SLCO3A1: variants seen among roughly 807,000 people sequenced by gnomAD.
SLCO3A1 encodes PGE1 transporter.
A neutral mutation model predicts 63.1 loss-of-function variants in SLCO3A1; 27 were observed. The observed-to-expected ratio is 0.43, with a 90% CI of 0.32 to 0.59. SLCO3A1 has a LOEUF of 0.59. Ranked by LOEUF, SLCO3A1 falls within the 20% of genes least tolerant of loss-of-function variation. The pLI is 0.09. For missense variants in SLCO3A1, 773 were observed against 945.8 expected (o/e 0.82, Z 2.40); for synonymous variants, 473 against 409.9 (o/e 1.15, Z -1.86).
rs141486639 is a variant in SLCO3A1 at position 91,876,946 on chromosome 15, T to C, written c.180+22858T>C. ...TACAGATATTTGACTTTTGCCGATATGTTTGGGGTTCTGCTGTTTGACCCA... is the reference window on the plus strand; with the variant it reads ...TACAGATATTTGACTTTTGCCGATACGTTTGGGGTTCTGCTGTTTGACCCA... On this transcript the variant is annotated intron_variant, in intron 1 of 9. Coordinates refer to ENST00000318445, the MANE Select transcript of SLCO3A1 (RefSeq NM_013272.4). Among the ~76,000 whole-genome samples, 697 of 152,372 alleles carry C rather than the reference T, an allele frequency of 4.6e-3. 10 individuals carry two copies. The highest frequency in any genetic ancestry group is 0.016 in the African/African-American group (660 of 41,590).
At chr15:92,001,411 C>A (rs1007332345) in intron 2 of SLCO3A1, among the ~76,000 whole-genome samples, 6 of 152,160 alleles carry the variant, frequency 3.9e-5, no homozygotes, top group African/African-American at 1.4e-4. Flanking sequence ...CCATTAGGAA[C>A]CTTCTGGCTT....
intron 7 of SLCO3A1, among the ~76,000 whole-genome samples, chr15:92,142,361 T>C (rs554609878): frequency 6.6e-6 from 1 of 152,352 alleles, no homozygotes; most frequent in African/African-American, 2.4e-5. Flanking sequence ...ATTAAACTGC[T>C]GATGGATCTG....
At chr15:91,964,441 T>C (rs1405635849) in intron 2 of SLCO3A1, among the ~76,000 whole-genome samples, 1 of 152,156 alleles carries the variant, frequency 6.6e-6, no homozygotes, top group Non-Finnish European at 1.5e-5. Flanking sequence ...GCTTTTTTTT[T>C]TTATGCTCAG....
rs1281429747 is a variant in SLCO3A1, at chr15:92,109,320, C to T, written c.1009+4778C>T. Among the ~76,000 whole-genome samples the T allele has an allele frequency of 2.0e-5, 3 of 152,292 alleles. No individual in the cohort carries two copies. In the East Asian group the frequency reaches 5.8e-4, roughly 29 times the overall value. On this transcript the variant is annotated intron_variant, in intron 4 of 9. Coordinates refer to ENST00000318445, the MANE Select transcript of SLCO3A1 (RefSeq NM_013272.4). ...ACTTCTGACAGTAAACGGACACTCTCTTAAAGAATAAGTGGCGTCAGCAGG... is the reference window on the plus strand; with the variant it reads ...ACTTCTGACAGTAAACGGACACTCTTTTAAAGAATAAGTGGCGTCAGCAGG...
At chr15:91,878,051 A>G (rs1897445852) in intron 1 of SLCO3A1, among the ~76,000 whole-genome samples, 1 of 149,424 alleles carries the variant, frequency 6.7e-6, no homozygotes, top group Admixed American at 6.7e-5. Context: ...AAATGAAACC[A>G]TCATCAGGTG....
chr15:92,151,092 C>G, intron 9 of SLCO3A1, 78 bp downstream of exon 9: 1 of 980,328 alleles, frequency 1.0e-6, no homozygotes, highest in Non-Finnish European at 1.6e-6. Flanking sequence ...TCAAATTATC[C>G]CATTTCCTAG....
At chr15:92,096,000 C>T (rs1413852993) in intron 3 of SLCO3A1, among the ~76,000 whole-genome samples, 2 of 152,200 alleles carry the variant, frequency 1.3e-5, no homozygotes, top group South Asian at 2.1e-4. Flanking sequence ...AACCTAATGA[C>T]CTAAAACAGC....
intron 4 of SLCO3A1, 110 bp downstream of exon 4, chr15:92,104,652 C>A: frequency 8.7e-7 from 1 of 1,148,036 alleles, no homozygotes; most frequent in Non-Finnish European, 1.2e-6. Context: ...TTGGTGGAGG[C>A]AGAATAATAT....
At chr15:91,881,036 G>A (rs1014813520) in intron 1 of SLCO3A1, among the ~76,000 whole-genome samples, 5 of 152,188 alleles carry the variant, frequency 3.3e-5, no homozygotes, top group Non-Finnish European at 7.3e-5. Context: ...GATGGGGCTT[G>A]GGTGGAGGCT....
intron 4 of SLCO3A1, among the ~76,000 whole-genome samples, chr15:92,113,972 A>G (rs781381192): frequency 4.2e-4 from 64 of 152,210 alleles, no homozygotes; most frequent in Non-Finnish European, 7.1e-4. Context: ...GAAGGGGTCC[A>G]AGCATCTGTA....
chr15:91,888,359 C>G (rs923964381), intron 1 of SLCO3A1, among the ~76,000 whole-genome samples: 9 of 152,196 alleles, frequency 5.9e-5, no homozygotes, highest in African/African-American at 2.2e-4. Flanking sequence ...TGGGCCCTTA[C>G]AGATATACTT....
intron 2 of SLCO3A1, among the ~76,000 whole-genome samples, chr15:92,036,419 C>CCA (rs1244682113): frequency 9.0e-5 from 13 of 143,872 alleles, no homozygotes; most frequent in African/African-American, 3.4e-4. Context: ...ACTGAAAATT[C>CCA]CACTTCGCCA....
chr15:92,159,222 C>T lies in SLCO3A1; in HGVS notation c.1754-3534C>T, dbSNP rs1287135732. Among the ~76,000 whole-genome samples the T allele has an allele frequency of 2.6e-5, 4 of 152,218 alleles. No homozygotes were observed. The East Asian group carries it at 7.7e-4, about 29-fold the overall frequency. On this transcript the variant is annotated intron_variant, in intron 9 of 9. Transcript: ENST00000318445. The stretch of plus-strand genomic sequence containing the variant: ...TTCATCTCAGCTGGGTGCGGTGGCT[C>T]ACGCCTGTAATCCCAGCACTTTGGG...
intron 2 of SLCO3A1, among the ~76,000 whole-genome samples, chr15:92,031,066 T>C (rs2046642365): frequency 6.6e-6 from 1 of 152,018 alleles, no homozygotes; most frequent in African/African-American, 2.4e-5. Context: ...GTTTCATCAA[T>C]GTTGCCAATG....
downstream of SLCO3A1, among the ~76,000 whole-genome samples, chr15:92,168,923 G>A (rs1269309586): frequency 2.0e-5 from 3 of 152,082 alleles, no homozygotes; most frequent in African/African-American, 7.2e-5. Flanking sequence ...GGCACATGAG[G>A]GAGAAATGTT....
intron 2 of SLCO3A1, among the ~76,000 whole-genome samples, chr15:91,978,290 C>T (rs1901195566): frequency 6.6e-6 from 1 of 152,208 alleles, no homozygotes; most frequent in Admixed American, 6.5e-5. Context: ...CTGATTCAGA[C>T]ATTTCCAGTC....
At chr15:92,133,585 T>C (rs1241666020) in intron 7 of SLCO3A1, among the ~76,000 whole-genome samples, 2 of 145,014 alleles carry the variant, frequency 1.4e-5, no homozygotes, top group Non-Finnish European at 3.1e-5. Context: ...TGGCATTGGA[T>C]TCTTACAGGA....
intron 2 of SLCO3A1, among the ~76,000 whole-genome samples, chr15:91,987,560 C>G (rs1482708807): frequency 6.6e-6 from 1 of 151,878 alleles, no homozygotes; most frequent in African/African-American, 2.4e-5. Flanking sequence ...TAGCCAACAT[C>G]ATGAAACTCC....
intron 2 of SLCO3A1, among the ~76,000 whole-genome samples, chr15:92,030,452 C>T (rs755022089): frequency 2.8e-4 from 43 of 152,074 alleles, no homozygotes; most frequent in Admixed American, 2.6e-4. Context: ...GTGCTAGAGC[C>T]GCAGTCAGTA....
Sources: gnomAD v4.1 joint callset for allele counts (sites outside exome capture counted in the v4.1 genomes callset) on GRCh38, gnomAD v4.1.1 for gene constraint, MANE v1.5 for transcripts, NCBI Gene and HGNC (gene_info 2026-07-23, HGNC 2026-07-21) for gene names.